The following NPSR1 variants were observed in gnomAD, a reference collection of about 807,000 sequenced individuals.
The protein encoded by NPSR1 is neuropeptide S receptor.
NPSR1 carries 48 observed loss-of-function variants against 46.9 expected under a neutral mutation model. The ratio of observed to expected loss-of-function variants is 1.02; its 90% CI spans 0.81 to 1.30. NPSR1 has a LOEUF of 1.30. Among genes scored for constraint, NPSR1 ranks in the 50% most tolerant of loss-of-function variants. The pLI is 0.00. For synonymous variants in NPSR1, 176 were observed against 168.1 expected, an observed-to-expected ratio of 1.05 and a Z score of -0.36; for missense variants, 450 against 449.5, an observed-to-expected ratio of 1.00 and a Z score of -0.01.
intron 2 of NPSR1, among the ~76,000 whole-genome samples, chr7:34,689,567 T>A (rs2128688086): frequency 8.6e-6 from 1 of 116,768 alleles, no homozygotes; most frequent in South Asian, 3.1e-4. Flanking sequence ...ATTGTGCCAC[T>A]GCACTCCAGC....
downstream of NPSR1, among the ~76,000 whole-genome samples, chr7:34,851,401 C>T (rs1039932282): frequency 1.3e-5 from 2 of 151,506 alleles, no homozygotes; most frequent in African/African-American, 4.9e-5. Flanking sequence ...CACCATCTCT[C>T]GGAGAATTAT....
chr7:34,859,663 G>A (rs996556203), intron 8 of NPSR1, among the ~76,000 whole-genome samples: 1 of 151,740 alleles, frequency 6.6e-6, no homozygotes, highest in Non-Finnish European at 1.5e-5. Context: ...CAGACTTTAA[G>A]GAGGCCAATC....
chr7:34,663,718 T>A (rs998569668), intron 1 of NPSR1, among the ~76,000 whole-genome samples: 1 of 152,202 alleles, frequency 6.6e-6, no homozygotes, highest in African/African-American at 2.4e-5. Context: ...GCGACCCCCC[T>A]GTCATGGGGA....
intron 3 of NPSR1, among the ~76,000 whole-genome samples, chr7:34,784,348 G>A (rs1049600808): frequency 6.6e-6 from 1 of 151,996 alleles, no homozygotes; most frequent in South Asian, 2.1e-4. Context: ...ATTATTTTGA[G>A]ATACATCCCA....
At chr7:34,733,156 T>A (rs1184661529) in intron 2 of NPSR1, among the ~76,000 whole-genome samples, 1 of 152,216 alleles carries the variant, frequency 6.6e-6, no homozygotes, top group East Asian at 1.9e-4. Context: ...GTGCAGTGGC[T>A]CATGCCTGTA....
At chr7:34,830,573 C>G (rs1348401234) in intron 5 of NPSR1, among the ~76,000 whole-genome samples, 1 of 152,102 alleles carries the variant, frequency 6.6e-6, no homozygotes, top group East Asian at 1.9e-4. Context: ...ATTATTCATA[C>G]AATAACCTTT....
At chr7:34,730,585 G>A (rs543442381) in intron 2 of NPSR1, among the ~76,000 whole-genome samples, 26 of 152,314 alleles carry the variant, frequency 1.7e-4, no homozygotes, top group South Asian at 6.2e-4. Context: ...AAATTTGAGC[G>A]TGGTGCTAGT....
At position 34,833,565 on chromosome 7, in the gene NPSR1, A is replaced by C. The variant is rs1239369629; in HGVS notation, c.681-819A>C. ...ACACCATTTTGTAGAACCTCAACTG[A>C]GGCTCAGTGTAGTAGTTATCTATTA... is the stretch of plus-strand genomic sequence containing the variant. On this transcript the variant is annotated intron_variant, in intron 5 of 8. Transcript: ENST00000360581. Among the ~76,000 whole-genome samples the C allele has an allele frequency of 3.3e-5, 5 of 152,222 alleles. 1 individual carries two copies. The highest frequency in any genetic ancestry group is 2.0e-4 in the Admixed American group (3 of 15,286).
intron 3 of NPSR1, among the ~76,000 whole-genome samples, chr7:34,792,711 A>ATTTTTT (rs1441882811): frequency 7.9e-6 from 1 of 126,024 alleles, no homozygotes; most frequent in Non-Finnish European, 1.6e-5. Context: ...GTATATATAT[A>ATTTTTT]TATTTATATA....
chr7:34,774,491 A>C (rs775146297), intron 2 of NPSR1, among the ~76,000 whole-genome samples: 103 of 152,212 alleles, frequency 6.8e-4, no homozygotes, highest in Admixed American at 2.6e-3. Context: ...AATCTAGCTC[A>C]TAATGGTCAG....
intron 4 of NPSR1, among the ~76,000 whole-genome samples, chr7:34,826,122 G>C (rs374124332): frequency 2.0e-5 from 3 of 152,100 alleles, no homozygotes; most frequent in Non-Finnish European, 4.4e-5. Context: ...AATGCAGGCA[G>C]GAAAACCTCT....
chr7:34,844,558 G>T (rs911128042), intron 6 of NPSR1, among the ~76,000 whole-genome samples: 22 of 152,080 alleles, frequency 1.4e-4, no homozygotes, highest in Admixed American at 1.3e-3. Context: ...GCATAGCCAG[G>T]GCTTAGAGAG....
chr7:34,751,478 C>T, intron 2 of NPSR1: 1 of 1,232,076 alleles, frequency 8.1e-7, no homozygotes, highest in Non-Finnish European at 1.2e-6. Context: ...CGGATTAGTT[C>T]TGCCTCCGTG....
intron 5 of NPSR1, among the ~76,000 whole-genome samples, chr7:34,829,317 A>G (rs541317184): frequency 1.3e-5 from 2 of 152,314 alleles, no homozygotes; most frequent in South Asian, 4.1e-4. Context: ...TGAATGGACA[A>G]CTTAACACCA....
At chr7:34,744,884 G>GA (rs781488578) in intron 2 of NPSR1, among the ~76,000 whole-genome samples, 3 of 151,930 alleles carry the variant, frequency 2.0e-5, no homozygotes, top group Admixed American at 6.6e-5. Flanking sequence ...AAAATATTCA[G>GA]AAAAAAATGC....
At chr7:34,873,360 G>T (rs1791499937) in intron 8 of NPSR1, among the ~76,000 whole-genome samples, 1 of 151,496 alleles carries the variant, frequency 6.6e-6, no homozygotes, top group African/African-American at 2.4e-5. Context: ...CAACTCCTCA[G>T]TACTAATTTT....
chr7:34,758,584 T>C (rs962522430), intron 2 of NPSR1, among the ~76,000 whole-genome samples: 12 of 152,246 alleles, frequency 7.9e-5, no homozygotes, highest in African/African-American at 2.9e-4. Context: ...CATTTTTCAT[T>C]TTTAGCTTCT....
chr7:34,797,619 T>C (rs987714161), intron 3 of NPSR1, among the ~76,000 whole-genome samples: 3 of 151,700 alleles, frequency 2.0e-5, no homozygotes, highest in Non-Finnish European at 2.9e-5. Flanking sequence ...TTTGAAGAAA[T>C]AAAAGATGAA....
At chr7:34,753,082 T>C (rs1388153393) in intron 2 of NPSR1, among the ~76,000 whole-genome samples, 1 of 152,186 alleles carries the variant, frequency 6.6e-6, no homozygotes, top group Non-Finnish European at 1.5e-5. Flanking sequence ...TAGTCAGCAA[T>C]CAATAGTAAT....
Sources: gnomAD v4.1 joint callset for allele counts (sites outside exome capture counted in the v4.1 genomes callset) on GRCh38, gnomAD v4.1.1 for gene constraint, MANE v1.5 for transcripts, NCBI Gene and HGNC (gene_info 2026-07-23, HGNC 2026-07-21) for gene names.